The following UTP20 variants were observed in gnomAD, a reference collection of about 807,000 sequenced individuals.
UTP20 encodes the protein UTP20 small subunit processome component, also known as small subunit processome component 20 homolog.
Under a neutral mutation model 329.5 loss-of-function variants are expected in UTP20, and 164 were observed. That is an observed-to-expected ratio of 0.50 (90% CI 0.44 to 0.57). The LOEUF (loss-of-function observed/expected upper bound fraction) is 0.57. UTP20 is among the 20% of genes least tolerant of loss of function. The pLI is 0.00. For synonymous variants in UTP20, 1,151 were observed against 1,159.3 expected, an observed-to-expected ratio of 0.99 and a Z score of 0.14; for missense variants, 3,055 against 3,284.2, an observed-to-expected ratio of 0.93 and a Z score of 1.71.
At chr12:101,366,845 G>A in intron 47 of UTP20, 146 bp downstream of exon 47, 2 of 906,642 alleles carry the variant, frequency 2.2e-6, no homozygotes, top group South Asian at 1.8e-5. Context: ...CAGGTGCATT[G>A]GTCCATTTAC....
intron 39 of UTP20, among the ~76,000 whole-genome samples, chr12:101,352,547 T>C (rs1869565057): frequency 6.6e-6 from 1 of 151,620 alleles, no homozygotes; most frequent in Non-Finnish European, 1.5e-5. Flanking sequence ...TCATTCTCAG[T>C]AAACTATCGC....
At chr12:101,306,286 A>G (rs908583772) in intron 16 of UTP20, among the ~76,000 whole-genome samples, 1 of 152,150 alleles carries the variant, frequency 6.6e-6, no homozygotes, top group Non-Finnish European at 1.5e-5. Context: ...AAAGATTCCA[A>G]TTCAGTAGGG....
chr12:101,338,267 A>C lies in UTP20; in HGVS notation c.3858A>C (p.Glu1286Asp), dbSNP rs1400392503. ...GATGTGTATACCCTGGCATAGCAGA[A>C]AACATCGGTGGTATGTATGCTGACA... The part of the protein sequence containing the change: ...VTGCVYPGIA[E>D]NIGESITIGG... The change falls in exon 30 of 62, where the codon GAA (glutamate) becomes GAC (aspartate). Residue 1286 changes from glutamate (E) to aspartate (D), a missense_variant. Around this residue, in one of 3 missense-constraint regions of UTP20, gnomAD observed 2,445 missense variants for 2,575.5 expected, o/e 0.95. Coordinates refer to ENST00000261637, the MANE Select transcript of UTP20 (RefSeq NM_014503.3). 26 of 1,614,112 alleles carry C rather than the reference A, an allele frequency of 1.6e-5. No individual in the cohort carries two copies. The highest frequency in any genetic ancestry group is 2.1e-5 in the Non-Finnish European group (25 of 1,179,976).
chr12:101,304,460 A>C (rs1307672738), intron 15 of UTP20, among the ~76,000 whole-genome samples: 1 of 152,222 alleles, frequency 6.6e-6, no homozygotes, highest in Non-Finnish European at 1.5e-5. Flanking sequence ...GGGTACTGTT[A>C]TCAGTATAGA....
intron 32 of UTP20, 51 bp downstream of exon 32, chr12:101,340,661 C>A: frequency 8.1e-7 from 1 of 1,230,204 alleles, no homozygotes; most frequent in Non-Finnish European, 1.2e-6. Context: ...CACTTTATCA[C>A]TAGGTTTAAT....
rs1387078787 is a variant in UTP20 at position 101,365,774 on chromosome 12, A to G, written c.6125+149A>G. 8.9e-6 allele frequency: 5 copies of G among 562,908 alleles called. No homozygotes were observed. In the East Asian group the frequency reaches 1.1e-4, roughly 12 times the overall value. 34.9% of individuals were successfully genotyped at this position (562,908 alleles called of 1,614,324 possible). ...ACTTTATGGTGTGATACATTTCAAC[A>G]TGAGATTTTCTCATAAATGAGGTAG... is the stretch of plus-strand genomic sequence containing the variant. On this transcript the variant is annotated intron_variant, in intron 46 of 61. Transcript: ENST00000261637.
At chr12:101,286,047 G>A (rs1454610235) in intron 4 of UTP20, among the ~76,000 whole-genome samples, 166 bp downstream of exon 4, 1 of 152,086 alleles carries the variant, frequency 6.6e-6, no homozygotes. Flanking sequence ...GTGGAATCTT[G>A]GGGTATAATT....
In UTP20 at chr12:101,365,606, CT is replaced by C. The variant is rs1870070659; in HGVS notation, c.6107del (p.Leu2036ArgfsTer2). The C allele has an allele frequency of 1.3e-6, 2 of 1,565,844 alleles. No homozygotes were observed. The highest frequency in any genetic ancestry group is 1.7e-6 in the Non-Finnish European group (2 of 1,163,226). Reference sequence around the variant, plus strand: ...TGGTTTGATCAGTGAAAATCTTCCCCTGTTAACAGAGAAAGAAAAGTAAGTT... The same window carrying C: ...TGGTTTGATCAGTGAAAATCTTCCCCGTTAACAGAGAAAGAAAAGTAAGTT... The part of the protein sequence containing the change: ...SYGLISENLP[L>X]LTEKEKNPVA... On this transcript the variant is annotated frameshift_variant, in exon 46 of 62. Transcript: ENST00000261637. LOFTEE classifies it high-confidence loss of function.
chr12:101,317,467 T>G lies in UTP20; in HGVS notation c.2553-11T>G. On this transcript the variant is annotated splice_polypyrimidine_tract_variant and intron_variant, in intron 21 of 61. Transcript: ENST00000261637. ...CTTCATCAGTATCCTGTGACTTTCT[T>G]TCCACGGTAGCAATGAGTATTACCC... The G allele has an allele frequency of 6.2e-7, 1 of 1,612,848 alleles. No individual in the cohort carries two copies. The highest frequency in any genetic ancestry group is 1.1e-5 in the South Asian group (1 of 90,850).
chr12:101,376,688 C>T (rs1870483829), intron 56 of UTP20, among the ~76,000 whole-genome samples: 1 of 151,928 alleles, frequency 6.6e-6, no homozygotes, highest in Admixed American at 6.6e-5. Context: ...GCTCTGTCAC[C>T]CAGACTGGAG....
intron 38 of UTP20, among the ~76,000 whole-genome samples, chr12:101,350,688 C>T (rs1370636868): frequency 6.6e-6 from 1 of 152,106 alleles, no homozygotes; most frequent in Non-Finnish European, 1.5e-5. Flanking sequence ...TACCTAAATA[C>T]CCAATGCCCT....
intron 16 of UTP20, among the ~76,000 whole-genome samples, chr12:101,306,324 GTT>G: frequency 6.8e-6 from 1 of 147,526 alleles, no homozygotes; most frequent in African/African-American, 2.5e-5. Context: ...AATCAACATA[GTT>G]TTTTTTTTTA....
chr12:101,365,487 T>C lies in UTP20; in HGVS notation c.5987T>C (p.Leu1996Pro). 2 of 1,608,040 alleles carry C rather than the reference T, an allele frequency of 1.2e-6. No homozygotes were observed. Among genetic ancestry groups the C allele is most frequent in the Middle Eastern group, 3.3e-4 (2 of 6,044 alleles). Reference protein sequence around the residue: ...EILQNTTSLKLARKVHETLRR... With the variant: ...EILQNTTSLKPARKVHETLRR... ...TTACAAAATACCACGAGTTTGAAAC[T>C]GGCCCGGAAAGTTCATGAAACTTTA... Residue 1996 changes from leucine to proline, a missense_variant, in exon 46 of 62, where the codon CTG (leucine) becomes CCG (proline). Leu to Pro is a moderately conservative substitution (Grantham distance 98, BLOSUM62 -3). Around this residue, in one of 3 missense-constraint regions of UTP20, gnomAD observed 2,445 missense variants for 2,575.5 expected, o/e 0.95. Transcript: ENST00000261637.
intron 27 of UTP20, among the ~76,000 whole-genome samples, chr12:101,331,127 G>T (rs1056413916): frequency 6.6e-6 from 1 of 152,150 alleles, no homozygotes; most frequent in Admixed American, 6.5e-5. Context: ...CATATTGACT[G>T]TTCCTCTAGG....
At chr12:101,382,136 G>C (rs1870667755) in intron 58 of UTP20, among the ~76,000 whole-genome samples, 1 of 152,040 alleles carries the variant, frequency 6.6e-6, no homozygotes, top group Non-Finnish European at 1.5e-5. Flanking sequence ...CTGGTGTGGT[G>C]ACTCTCACCT....
At position 101,362,565 on chromosome 12, in the gene UTP20, A is replaced by G. The variant is rs1869963827; in HGVS notation, c.5790+505A>G. Reference sequence around the variant, plus strand: ...AGAAAAATACAAAAACTAGCCAGGCATGGTGATGCGCACCTGTAATCCCAG... The same window carrying G: ...AGAAAAATACAAAAACTAGCCAGGCGTGGTGATGCGCACCTGTAATCCCAG... On this transcript the variant is annotated intron_variant, in intron 44 of 61. Coordinates refer to ENST00000261637, the MANE Select transcript of UTP20 (RefSeq NM_014503.3). Among the ~76,000 whole-genome samples the G allele has an allele frequency of 1.9e-5, 2 of 103,214 alleles. 1 individual carries two copies. Among genetic ancestry groups the G allele is most frequent in the Admixed American group, 1.9e-4 (2 of 10,552 alleles). 67.7% of individuals were successfully genotyped at this position (103,214 alleles called of 152,430 possible).
chr12:101,345,457 T>C (rs900171940), intron 36 of UTP20, 97 bp from the exon 37 acceptor site: 3 of 891,120 alleles, frequency 3.4e-6, no homozygotes, highest in African/African-American at 3.4e-5. Context: ...AGTGGAAATA[T>C]TTTACTTTTT....
intron 48 of UTP20, among the ~76,000 whole-genome samples, chr12:101,369,516 C>T (rs1352972486): frequency 8.5e-5 from 13 of 152,164 alleles, no homozygotes; most frequent in Admixed American, 1.3e-4. Context: ...TCCATTGTTA[C>T]GGATAAGCAA....
chr12:101,312,309 T>A, intron 21 of UTP20, 33 bp downstream of exon 21: 1 of 1,608,564 alleles, frequency 6.2e-7, no homozygotes, highest in Non-Finnish European at 8.5e-7. Context: ...ATGTCCCTGG[T>A]GGGGCATGAA....
Sources: allele counts gnomAD v4.1 joint callset (sites outside exome capture counted in the v4.1 genomes callset), GRCh38; gene constraint gnomAD v4.1.1; regional missense constraint gnomAD v4.1.1; transcripts MANE v1.5; gene names NCBI Gene and HGNC (gene_info 2026-07-23, HGNC 2026-07-21).